PKP2: variants seen among roughly 807,000 people sequenced by gnomAD.
The protein encoded by PKP2 is plakophilin-2.
In PKP2, 73 loss-of-function variants were observed where a neutral mutation model predicts 83.4. The observed-to-expected ratio is 0.88, with a 90% CI of 0.72 to 1.06. PKP2 has a LOEUF of 1.06. Among genes scored for constraint, PKP2 ranks in the 50% least tolerant of loss-of-function variants. The pLI, the probability that PKP2 is intolerant of heterozygous loss-of-function variation, is 0.00. For synonymous variants in PKP2, 409 were observed against 430.4 expected, an observed-to-expected ratio of 0.95 and a Z score of 0.62; for missense variants, 966 against 1,065.4, an observed-to-expected ratio of 0.91 and a Z score of 1.30.
chr12:32,827,181 A>G lies in PKP2; in HGVS notation c.1557-3019T>C, dbSNP rs536188249. ...TTATTTCGGGTTAGAATGGTAAGTC[A>G]AGTTGGCAGTACTGCCAGTTCACAA... On this transcript the variant is annotated intron_variant, in intron 6 of 12. Transcript: ENST00000340811. 2.0e-5 allele frequency among the ~76,000 whole-genome samples: 3 copies of G among 152,352 alleles called. No homozygotes were observed. In the East Asian group the frequency reaches 5.8e-4, roughly 29 times the overall value.
intron 6 of PKP2, among the ~76,000 whole-genome samples, chr12:32,835,432 A>G (rs933817005): frequency 3.9e-5 from 6 of 152,170 alleles, no homozygotes; most frequent in African/African-American, 1.2e-4. Flanking sequence ...CAATCTGATA[A>G]CTGCAATACA....
At position 32,822,574 on chromosome 12, in the gene PKP2, G is replaced by T; in HGVS notation, c.1732C>A (p.Leu578Ile). 6.2e-7 allele frequency: 1 copy of T among 1,613,978 alleles called. No individual in the cohort carries two copies. Among genetic ancestry groups the T allele is most frequent in the Non-Finnish European group, 8.5e-7 (1 of 1,179,856 alleles). Residue 578 changes from leucine (L) to isoleucine (I), a missense_variant, in exon 8 of 13, where the codon CTC becomes ATC. Coordinates refer to ENST00000340811, the MANE Select transcript of PKP2 (RefSeq NM_001005242.3). Reference sequence around the variant, plus strand: ...ATATTCTGGGAATATTTCTCTGGGAGCTCTGCCTCCAGCTGGTAGGAGAGG... The same window carrying T: ...ATATTCTGGGAATATTTCTCTGGGATCTCTGCCTCCAGCTGGTAGGAGAGG... ...HNLSYQLEAE[L>I]PEKYSQNIYI...
chr12:32,868,086 T>C (rs1956864684), intron 4 of PKP2, among the ~76,000 whole-genome samples: 1 of 152,080 alleles, frequency 6.6e-6, no homozygotes, highest in Admixed American at 6.6e-5. Context: ...AATGGAGAGG[T>C]TGGGGAGACA....
At chr12:32,834,323 G>A (rs962067571) in intron 6 of PKP2, among the ~76,000 whole-genome samples, 7 of 152,178 alleles carry the variant, frequency 4.6e-5, no homozygotes, top group Admixed American at 2.0e-4. Flanking sequence ...TAACAATAGG[G>A]TTGGATAAGA....
chr12:32,872,259 G>C lies in PKP2; in HGVS notation c.1035-3197C>G, dbSNP rs143704368. Among the ~76,000 whole-genome samples the C allele has an allele frequency of 4.8e-3, 731 of 152,232 alleles. 8 individuals carry two copies. The highest frequency in any genetic ancestry group is 0.017 in the African/African-American group (686 of 41,542). ...AAAAACCCAGTAACTTGGCCGGGCG[G>C]TGGTGGCTCATACCTGTAATTCCAG... On this transcript the variant is annotated intron_variant, in intron 3 of 12. Transcript: ENST00000340811.
chr12:32,866,437 G>A (rs1956849339), intron 4 of PKP2, among the ~76,000 whole-genome samples: 1 of 150,842 alleles, frequency 6.6e-6, no homozygotes, highest in Admixed American at 6.7e-5. Context: ...GGTAGGCCCA[G>A]CTACTTGGGA....
intron 9 of PKP2, among the ~76,000 whole-genome samples, chr12:32,817,697 C>T (rs1956332885): frequency 6.6e-6 from 1 of 152,114 alleles, no homozygotes; most frequent in Admixed American, 6.5e-5. Context: ...TGAAGATATT[C>T]TTCCATGTAA....
Position 32,896,606 on chromosome 12 carries a change from C to A in PKP2, c.126G>T (p.Gly42=). 2 of 1,585,394 alleles carry A rather than the reference C, an allele frequency of 1.3e-6. No homozygotes were observed. The highest frequency in any genetic ancestry group is 2.3e-5 in the East Asian group (1 of 44,026). Reference sequence around the variant, plus strand: ...CTGTCTGGCCGCCGCGGCCGCTGCTCCCCGCCAGCTTCAGCTTGGCCTCGG... The same window carrying A: ...CTGTCTGGCCGCCGCGGCCGCTGCTACCCGCCAGCTTCAGCTTGGCCTCGG... ...LPSEAKLKLA[G]SSGRGGQTVK... Residue 42 remains glycine (G), a synonymous_variant, in exon 1 of 13, where the codon GGG becomes GGT. Coordinates refer to ENST00000340811, the MANE Select transcript of PKP2 (RefSeq NM_001005242.3).
intron 3 of PKP2, among the ~76,000 whole-genome samples, chr12:32,874,418 C>T (rs1956916825): frequency 6.6e-6 from 1 of 152,096 alleles, no homozygotes; most frequent in African/African-American, 2.4e-5. Context: ...ACGTCTGGCT[C>T]CCTCTCCTTT....
chr12:32,794,253 T>C (rs1956101309), intron 11 of PKP2, among the ~76,000 whole-genome samples: 1 of 152,248 alleles, frequency 6.6e-6, no homozygotes, highest in African/African-American at 2.4e-5. Context: ...GGGTCTCTAA[T>C]ATTCAAAACT....
At chr12:32,814,205 C>T (rs1956301163) in intron 9 of PKP2, among the ~76,000 whole-genome samples, 1 of 152,174 alleles carries the variant, frequency 6.6e-6, no homozygotes, top group Non-Finnish European at 1.5e-5. Context: ...ATTTTCTTTG[C>T]TATCACAAGG....
At chr12:32,855,180 G>A (rs1256560599) in intron 4 of PKP2, among the ~76,000 whole-genome samples, 5 of 152,192 alleles carry the variant, frequency 3.3e-5, no homozygotes, top group African/African-American at 1.2e-4. Context: ...TGCAAAAATA[G>A]TGACTACATC....
At chr12:32,819,313 C>CAATAAAATAA (rs1201854178) in intron 9 of PKP2, among the ~76,000 whole-genome samples, 2,892 of 146,390 alleles carry the variant, frequency 0.02, 41 homozygotes, top group Non-Finnish European at 0.03. Context: ...CAATACAATA[C>CAATAAAATAA]AATAAAATAA....
chr12:32,884,107 A>G (rs781489829), intron 1 of PKP2, among the ~76,000 whole-genome samples: 3 of 152,206 alleles, frequency 2.0e-5, no homozygotes, highest in African/African-American at 4.8e-5. Context: ...GTTTATTACC[A>G]TTAGATCAGG....
chr12:32,823,437 A>G (rs1956402758), intron 7 of PKP2, among the ~76,000 whole-genome samples: 1 of 151,586 alleles, frequency 6.6e-6, no homozygotes, highest in Non-Finnish European at 1.5e-5. Context: ...AAAAAAAAAA[A>G]AAAAGGATTA....
At chr12:32,839,183 T>C (rs1033391018) in intron 6 of PKP2, among the ~76,000 whole-genome samples, 12 of 152,048 alleles carry the variant, frequency 7.9e-5, no homozygotes, top group African/African-American at 2.9e-4. Context: ...TTTGTTTGGT[T>C]CACCCACTAA....
chr12:32,883,240 A>G (rs981916640), intron 1 of PKP2, among the ~76,000 whole-genome samples: 1 of 152,236 alleles, frequency 6.6e-6, no homozygotes, highest in Non-Finnish European at 1.5e-5. Context: ...AGTTGGCACA[A>G]TCGATGGTTT....
At chr12:32,813,639 G>C (rs1028380000) in intron 9 of PKP2, among the ~76,000 whole-genome samples, 1 of 151,908 alleles carries the variant, frequency 6.6e-6, no homozygotes, top group African/African-American at 2.4e-5. Context: ...ATTTAGCTGG[G>C]TGTTGTGGTA....
At chr12:32,793,241 AAAT>A (rs753197900) in intron 11 of PKP2, among the ~76,000 whole-genome samples, 1 of 151,962 alleles carries the variant, frequency 6.6e-6, no homozygotes, top group Non-Finnish European at 1.5e-5. Context: ...CTCCATCTCA[AAAT>A]AATAATAATA....
Sources: allele counts gnomAD v4.1 joint callset (sites outside exome capture counted in the v4.1 genomes callset), GRCh38; gene constraint gnomAD v4.1.1; transcripts MANE v1.5; gene names NCBI Gene and HGNC (gene_info 2026-07-23, HGNC 2026-07-21).